The following SUMF1 variants were observed in gnomAD, a reference collection of about 807,000 sequenced individuals.
The protein encoded by SUMF1 is formylglycine-generating enzyme.
SUMF1 carries 48 observed loss-of-function variants against 47.6 expected under a neutral mutation model. The ratio of observed to expected loss-of-function variants is 1.01; its 90% confidence interval spans 0.80 to 1.28. SUMF1 has a LOEUF of 1.28. Ranked by LOEUF, SUMF1 falls within the 50% of genes most tolerant of loss-of-function variation. The pLI is 0.00. For missense variants in SUMF1, 571 were observed against 485.4 expected (o/e 1.18, Z -1.66); for synonymous variants, 230 against 192.1 (o/e 1.20, Z -1.63).
intron 3 of SUMF1, among the ~76,000 whole-genome samples, chr3:4,432,692 TTC>T (rs1297375709): frequency 6.6e-6 from 1 of 152,232 alleles, no homozygotes; most frequent in Non-Finnish European, 1.5e-5. Context: ...CTATCCATTA[TTC>T]TGTTTTATTT....
Position 4,410,985 on chromosome 3 carries a change from A to G in SUMF1, c.841-7T>C. 3 of 1,611,354 alleles carry G rather than the reference A, an allele frequency of 1.9e-6. No individual in the cohort carries two copies. The highest frequency in any genetic ancestry group is 2.2e-5 in the East Asian group (1 of 44,872). ...TGGGAGGGAAGGCATCAACCTAAAAACAAAGACAGGAAAAATGCTGTCAAA... is the reference window on the plus strand; with the variant it reads ...TGGGAGGGAAGGCATCAACCTAAAAGCAAAGACAGGAAAAATGCTGTCAAA... On this transcript the variant is annotated splice_polypyrimidine_tract_variant and splice_region_variant and intron_variant, in intron 6 of 8. Transcript: ENST00000272902.
At chr3:4,373,956 C>T (rs1700245894) in intron 8 of SUMF1, among the ~76,000 whole-genome samples, 1 of 151,738 alleles carries the variant, frequency 6.6e-6, no homozygotes. Flanking sequence ...TCAATAGATG[C>T]AGAAAAAGCT....
In SUMF1 at chr3:4,362,264, G is replaced by A. The variant is rs142980345; in HGVS notation, c.1015-10C>T. ...ACCTGTAACAATAAGACTGTGTAGAGAGAAAGAGCAAGGTAAGTGCTACTG... is the reference window on the plus strand; with the variant it reads ...ACCTGTAACAATAAGACTGTGTAGAAAGAAAGAGCAAGGTAAGTGCTACTG... On this transcript the variant is annotated splice_polypyrimidine_tract_variant and intron_variant, in intron 8 of 8. Transcript: ENST00000272902. The A allele has an allele frequency of 1.2e-6, 2 of 1,612,188 alleles. No homozygotes were observed. The highest frequency in any genetic ancestry group is 1.7e-6 in the Non-Finnish European group (2 of 1,178,340).
chr3:4,066,602 C>G (rs1695381727), intron 9 of SUMF1, among the ~76,000 whole-genome samples: 1 of 152,118 alleles, frequency 6.6e-6, no homozygotes, highest in Non-Finnish European at 1.5e-5. Context: ...CTCCTGACTG[C>G]TTCCTTACTC....
intron 2 of SUMF1, among the ~76,000 whole-genome samples, chr3:4,452,009 T>C (rs1249096742): frequency 2.0e-5 from 3 of 152,150 alleles, no homozygotes; most frequent in Non-Finnish European, 4.4e-5. Flanking sequence ...CCACTTTATA[T>C]ATTTGAGAAA....
intron 8 of SUMF1, among the ~76,000 whole-genome samples, chr3:4,294,957 CT>C (rs1224750611): frequency 6.6e-6 from 1 of 152,192 alleles, no homozygotes; most frequent in African/African-American, 2.4e-5. Context: ...GCGACGCTGA[CT>C]TTAACACATT....
chr3:4,232,865 G>A (rs1696331729), intron 8 of SUMF1, among the ~76,000 whole-genome samples: 1 of 152,088 alleles, frequency 6.6e-6, no homozygotes, highest in African/African-American at 2.4e-5. Context: ...AAATGTCCAA[G>A]CACCAGGTTG....
chr3:4,147,841 T>G (rs1694231449), intron 8 of SUMF1, among the ~76,000 whole-genome samples: 2 of 152,106 alleles, frequency 1.3e-5, no homozygotes, highest in Non-Finnish European at 2.9e-5. Context: ...AAGCAATAAT[T>G]TCCCCTTCCC....
At chr3:4,348,834 C>T (rs572943424) in intron 8 of SUMF1, among the ~76,000 whole-genome samples, 78 of 152,298 alleles carry the variant, frequency 5.1e-4, no homozygotes, top group African/African-American at 1.7e-3. Context: ...AAGATCACGC[C>T]ATTGCACTCC....
chr3:4,211,191 T>TATAC (rs1187740451), intron 8 of SUMF1, among the ~76,000 whole-genome samples: 4 of 78,894 alleles, frequency 5.1e-5, no homozygotes, highest in East Asian at 2.8e-4. Context: ...TACATATACA[T>TATAC]ATACATACAT....
At chr3:4,141,651 A>C (rs1694073502) in intron 8 of SUMF1, among the ~76,000 whole-genome samples, 1 of 152,104 alleles carries the variant, frequency 6.6e-6, no homozygotes, top group Non-Finnish European at 1.5e-5. Context: ...CAACAGAGCA[A>C]GATCCTGCTT....
intron 6 of SUMF1, 34 bp downstream of exon 6, chr3:4,417,094 G>T (rs767544388): frequency 1.2e-6 from 2 of 1,602,432 alleles, no homozygotes; most frequent in South Asian, 2.2e-5. Context: ...GTTCTCAGCA[G>T]CTGCCACCCT....
chr3:4,291,660 G>A (rs1697745848), intron 8 of SUMF1, among the ~76,000 whole-genome samples: 2 of 152,068 alleles, frequency 1.3e-5, no homozygotes, highest in South Asian at 4.1e-4. Context: ...GGCAGAAAAT[G>A]GGTTCTTTAT....
At chr3:4,044,447 G>T (rs1019946927) in intron 9 of SUMF1, among the ~76,000 whole-genome samples, 1 of 152,158 alleles carries the variant, frequency 6.6e-6, no homozygotes. Context: ...GACTGTACAG[G>T]CCTACAGAAT....
At chr3:4,371,741 C>T (rs1336341513) in intron 8 of SUMF1, among the ~76,000 whole-genome samples, 1 of 152,116 alleles carries the variant, frequency 6.6e-6, no homozygotes, top group East Asian at 1.9e-4. Context: ...TCACTTAATC[C>T]TCTCAGCAAT....
At chr3:4,189,748 C>G (rs1423654759) in intron 8 of SUMF1, among the ~76,000 whole-genome samples, 1 of 152,044 alleles carries the variant, frequency 6.6e-6, no homozygotes, top group Non-Finnish European at 1.5e-5. Context: ...GGGCTGGCAC[C>G]ATCTCCTCCT....
chr3:4,118,792 C>G (rs186703268), intron 8 of SUMF1, among the ~76,000 whole-genome samples: 1 of 152,192 alleles, frequency 6.6e-6, no homozygotes, highest in African/African-American at 2.4e-5. Flanking sequence ...TTCTCTTTCT[C>G]CAAGAGCTCA....
chr3:4,217,179 C>G (rs1695943146), intron 8 of SUMF1, among the ~76,000 whole-genome samples: 1 of 152,074 alleles, frequency 6.6e-6, no homozygotes, highest in Admixed American at 6.6e-5. Context: ...GAATACTATG[C>G]AGCCATAAAA....
intron 3 of SUMF1, among the ~76,000 whole-genome samples, chr3:4,429,111 C>A (rs1003599497): frequency 5.3e-5 from 8 of 152,226 alleles, no homozygotes; most frequent in Non-Finnish European, 1.2e-4. Context: ...CATGTTCAAA[C>A]ACCTTCATGT....
Sources: allele counts gnomAD v4.1 joint callset (sites outside exome capture counted in the v4.1 genomes callset), GRCh38; gene constraint gnomAD v4.1.1; transcripts MANE v1.5; gene names NCBI Gene and HGNC (gene_info 2026-07-23, HGNC 2026-07-21).